Variants in SHQ1 observed in about 807,000 individuals in gnomAD.
The protein encoded by SHQ1 is protein SHQ1 homolog.
SHQ1 carries 49 observed loss-of-function variants against 53.8 expected under a neutral mutation model. The observed-to-expected ratio is 0.91, with a 90% CI of 0.72 to 1.16. The LOEUF (loss-of-function observed/expected upper bound fraction) is 1.16, where lower values mean the gene tolerates loss of function less well. SHQ1 is among the 50% of genes most tolerant of loss of function. SHQ1 has a pLI of 0.00. For synonymous variants in SHQ1, 243 were observed against 251.0 expected (o/e 0.97, Z 0.30); for missense variants, 738 against 683.1 (o/e 1.08, Z -0.90).
chr3:72,727,246 C>G, the SHQ1 span, among the ~76,000 whole-genome samples: 1 of 152,110 alleles, frequency 6.6e-6, no homozygotes, highest in Non-Finnish European at 1.5e-5. Context: ...CCCGTAGTTT[C>G]CACCCGTCAC....
At chr3:72,831,394 G>A (rs562574166) in intron 5 of SHQ1, among the ~76,000 whole-genome samples, 23 of 152,310 alleles carry the variant, frequency 1.5e-4, no homozygotes, top group African/African-American at 5.5e-4. Flanking sequence ...AATGACAAAT[G>A]GAGAGACTCT....
intron 9 of SHQ1, among the ~76,000 whole-genome samples, chr3:72,804,420 C>G (rs1237560647): frequency 6.7e-6 from 1 of 149,730 alleles, no homozygotes; most frequent in Admixed American, 6.6e-5. Context: ...TCCGGCACCA[C>G]CCCCCCACCC....
downstream of SHQ1, among the ~76,000 whole-genome samples, chr3:72,747,872 C>A (rs1418221316): frequency 6.6e-6 from 1 of 151,936 alleles, no homozygotes; most frequent in African/African-American, 2.4e-5. Context: ...GCCTGTAATC[C>A]CAGGTGTTCG....
At chr3:72,776,058 A>C (rs188408191) in intron 10 of SHQ1, among the ~76,000 whole-genome samples, 24 of 152,366 alleles carry the variant, frequency 1.6e-4, no homozygotes, top group African/African-American at 5.0e-4. Flanking sequence ...GAAATGAAGA[A>C]TATAAAGACT....
the SHQ1 span, among the ~76,000 whole-genome samples, chr3:72,732,257 C>T: frequency 6.6e-6 from 1 of 151,186 alleles, no homozygotes; most frequent in Admixed American, 6.6e-5. Flanking sequence ...TAGGGAGATG[C>T]CAGCAGTGCC....
At chr3:72,782,072 G>A (rs1706090244) in intron 10 of SHQ1, among the ~76,000 whole-genome samples, 1 of 152,096 alleles carries the variant, frequency 6.6e-6, no homozygotes, top group South Asian at 2.1e-4. Context: ...GCACAAAACA[G>A]AAAACATGAT....
chr3:72,763,670 A>C (rs906733121), intron 10 of SHQ1, among the ~76,000 whole-genome samples: 5 of 152,236 alleles, frequency 3.3e-5, no homozygotes, highest in African/African-American at 1.2e-4. Flanking sequence ...ACAGGGACAC[A>C]GAGAATGCCA....
At chr3:72,726,399 G>C in the SHQ1 span, among the ~76,000 whole-genome samples, 1 of 151,968 alleles carries the variant, frequency 6.6e-6, no homozygotes, top group East Asian at 1.9e-4. Context: ...CGCCCAGGTT[G>C]AGATCAGCAA....
At position 72,841,115 on chromosome 3, in the gene SHQ1, T is replaced by C. The variant is rs1037560190; in HGVS notation, c.416A>G (p.Glu139Gly). Residue 139 changes from glutamate to glycine, a missense_variant, in exon 4 of 11, where the codon GAA becomes GGA. By Grantham distance (98) the Glu-to-Gly change is moderately conservative. Transcript: ENST00000325599. ...GTGGCACTGCGGATTCAAAGCACTT[T>C]CTGATACCTCTTCACAGGGTGTCTG... The part of the protein sequence containing the change: ...IEQTPCEEVS[E>G]SALNPQCHYG... 6.2e-7 allele frequency: 1 copy of C among 1,614,136 alleles called. No homozygotes were observed. The highest frequency in any genetic ancestry group is 1.3e-5 in the African/African-American group (1 of 75,072).
the SHQ1 span, among the ~76,000 whole-genome samples, chr3:72,735,091 A>G: frequency 6.6e-6 from 1 of 151,732 alleles, no homozygotes; most frequent in African/African-American, 2.4e-5. Flanking sequence ...TTTCAATACT[A>G]CGGTGCTTTG....
At chr3:72,812,127 A>C (rs1707142641) in intron 9 of SHQ1, among the ~76,000 whole-genome samples, 1 of 152,248 alleles carries the variant, frequency 6.6e-6, no homozygotes, top group Non-Finnish European at 1.5e-5. Flanking sequence ...TTAGCAAGTC[A>C]AAAGTGCTCA....
intron 10 of SHQ1, among the ~76,000 whole-genome samples, chr3:72,777,858 T>C (rs1018583266): frequency 3.9e-5 from 6 of 152,188 alleles, no homozygotes; most frequent in Non-Finnish European, 8.8e-5. Flanking sequence ...GACAATGGGA[T>C]AGTACACTGC....
rs530708349 is a variant in SHQ1, at chr3:72,822,437, A to G, written c.727+1987T>C. 2.0e-5 allele frequency among the ~76,000 whole-genome samples: 3 copies of G among 152,320 alleles called. No homozygotes were observed. In the East Asian group the frequency reaches 5.8e-4, roughly 29 times the overall value. ...CTGCTAAAATTACACAAAGAAGACTAAGAGCATTGCTGACACAGAAAACTG... is the reference window on the plus strand; with the variant it reads ...CTGCTAAAATTACACAAAGAAGACTGAGAGCATTGCTGACACAGAAAACTG... On this transcript the variant is annotated intron_variant, in intron 6 of 10. Transcript: ENST00000325599.
intron 10 of SHQ1, chr3:72,753,550 C>T (rs1705434572): frequency 2.0e-6 from 2 of 985,268 alleles, no homozygotes; most frequent in African/African-American, 1.7e-5. Flanking sequence ...CAAGGGTGAG[C>T]GGGAGGCACA....
intron 10 of SHQ1, among the ~76,000 whole-genome samples, chr3:72,792,658 G>A (rs988119188): frequency 2.0e-5 from 3 of 151,816 alleles, no homozygotes; most frequent in African/African-American, 7.3e-5. Flanking sequence ...GGTGGCACAC[G>A]CCTGTAATCC....
At chr3:72,792,067 C>A (rs1706455789) in intron 10 of SHQ1, among the ~76,000 whole-genome samples, 1 of 152,064 alleles carries the variant, frequency 6.6e-6, no homozygotes, top group Non-Finnish European at 1.5e-5. Context: ...GTGTTCAGAC[C>A]CTTCCATACA....
chr3:72,817,846 T>C (rs9875446), intron 6 of SHQ1, among the ~76,000 whole-genome samples: 3,067 of 152,286 alleles, frequency 0.02, 112 homozygotes, highest in African/African-American at 0.071. Flanking sequence ...TTAATTAGAT[T>C]AAATTTCAAT....
At chr3:72,846,610 A>T (rs145046140) in intron 1 of SHQ1, among the ~76,000 whole-genome samples, 1 of 152,110 alleles carries the variant, frequency 6.6e-6, no homozygotes, top group African/African-American at 2.4e-5. Flanking sequence ...AAACTGTATT[A>T]TCAAAGAATG....
chr3:72,810,241 T>C (rs949085186), intron 9 of SHQ1, among the ~76,000 whole-genome samples: 1 of 152,196 alleles, frequency 6.6e-6, no homozygotes, highest in African/African-American at 2.4e-5. Context: ...CAGGATTTCC[T>C]GCCCTTAAAG....
Sources: gnomAD v4.1 joint callset for allele counts (sites outside exome capture counted in the v4.1 genomes callset) on GRCh38, gnomAD v4.1.1 for gene constraint, MANE v1.5 for transcripts, NCBI Gene and HGNC (gene_info 2026-07-23, HGNC 2026-07-21) for gene names.